Variants in HIVEP1 observed in about 807,000 individuals in gnomAD.
HIVEP1 encodes zinc finger protein 40.
In HIVEP1, 36 loss-of-function variants were observed where a neutral mutation model predicts 180.0. That is an observed-to-expected ratio of 0.20 (90% CI 0.15 to 0.26). The LOEUF (loss-of-function observed/expected upper bound fraction) is 0.26, where lower values mean the gene tolerates loss of function less well. Among genes scored for constraint, HIVEP1 ranks in the 10% least tolerant of loss-of-function variants. HIVEP1 has a pLI of 1.00. For missense variants in HIVEP1, 3,143 were observed against 3,268.7 expected, an observed-to-expected ratio of 0.96 and a Z score of 0.94; for synonymous variants, 1,239 against 1,239.0, an observed-to-expected ratio of 1.00 and a Z score of 0.00.
At chr6:12,097,614 G>A (rs1773856541) in intron 3 of HIVEP1, among the ~76,000 whole-genome samples, 1 of 152,026 alleles carries the variant, frequency 6.6e-6, no homozygotes, top group South Asian at 2.1e-4. Flanking sequence ...AATGCTGTGA[G>A]CTTGAATTAC....
intron 2 of HIVEP1, among the ~76,000 whole-genome samples, chr6:12,075,100 C>T (rs1393589116): frequency 2.0e-5 from 3 of 152,244 alleles, no homozygotes; most frequent in Non-Finnish European, 2.9e-5. Context: ...TCAGGGCTGA[C>T]TGCAGCAGTG....
chr6:12,089,066 T>A, intron 2 of HIVEP1, 118 bp from the exon 3 acceptor site: 1 of 576,210 alleles, frequency 1.7e-6, no homozygotes, highest in Non-Finnish European at 3.1e-6. Flanking sequence ...GTATCATAAT[T>A]TATTCAACAC....
At chr6:12,141,305 A>G (rs182229566) in intron 7 of HIVEP1, among the ~76,000 whole-genome samples, 1 of 152,248 alleles carries the variant, frequency 6.6e-6, no homozygotes, top group African/African-American at 2.4e-5. Flanking sequence ...AAAATCCTTT[A>G]TAGACAAGCA....
intron 3 of HIVEP1, among the ~76,000 whole-genome samples, chr6:12,109,619 C>T (rs1461008928): frequency 6.6e-6 from 1 of 152,238 alleles, no homozygotes; most frequent in Non-Finnish European, 1.5e-5. Flanking sequence ...GTCACATCTT[C>T]AAGCTCCACT....
intron 3 of HIVEP1, among the ~76,000 whole-genome samples, chr6:12,110,123 A>G (rs868074733): frequency 6.6e-6 from 1 of 152,236 alleles, no homozygotes; most frequent in Non-Finnish European, 1.5e-5. Context: ...AAACCATGCT[A>G]TAAACAGATG....
the HIVEP1 span, among the ~76,000 whole-genome samples, chr6:12,200,551 T>C: frequency 6.6e-6 from 1 of 152,340 alleles, no homozygotes; most frequent in East Asian, 1.9e-4. Context: ...ACCATGCTAA[T>C]GTGGGGCAGG....
At chr6:12,091,341 G>A (rs1286804490) in intron 3 of HIVEP1, among the ~76,000 whole-genome samples, 1 of 151,884 alleles carries the variant, frequency 6.6e-6, no homozygotes, top group African/African-American at 2.4e-5. Flanking sequence ...TAGCCACATT[G>A]CTTTTTAAAA....
At chr6:12,064,636 T>G (rs964035266) in intron 2 of HIVEP1, among the ~76,000 whole-genome samples, 2 of 152,140 alleles carry the variant, frequency 1.3e-5, no homozygotes, top group Non-Finnish European at 1.5e-5. Context: ...CTGAGAACTC[T>G]TGGTTCTTAG....
chr6:12,020,713 CCTTTAAG>C, intron 2 of HIVEP1, among the ~76,000 whole-genome samples: 1 of 152,036 alleles, frequency 6.6e-6, no homozygotes, highest in East Asian at 1.9e-4. Flanking sequence ...AGCTTCATTT[CCTTTAAG>C]ATTGGAAGTC....
intron 2 of HIVEP1, among the ~76,000 whole-genome samples, chr6:12,050,079 C>T (rs1561888830): frequency 6.6e-6 from 1 of 152,150 alleles, no homozygotes; most frequent in Non-Finnish European, 1.5e-5. Flanking sequence ...TTGTCCATGA[C>T]TCTCTAACTT....
chr6:12,204,799 T>G, the HIVEP1 span, among the ~76,000 whole-genome samples: 1 of 152,204 alleles, frequency 6.6e-6, no homozygotes, highest in African/African-American at 2.4e-5. Flanking sequence ...AAACTTATAT[T>G]ATTCATGATC....
chr6:12,008,359 T>C (rs1490489750), upstream of HIVEP1: 1 of 152,198 alleles, frequency 6.6e-6, no homozygotes, highest in Admixed American at 6.5e-5. Flanking sequence ...TCAGGAAACA[T>C]ACTCCACCAC....
At chr6:12,107,815 T>C (rs932853728) in intron 3 of HIVEP1, among the ~76,000 whole-genome samples, 5 of 152,194 alleles carry the variant, frequency 3.3e-5, no homozygotes, top group African/African-American at 1.2e-4. Context: ...TATTCTCTTA[T>C]CTGGCCCCAC....
rs562242557 is a variant in HIVEP1 at position 12,030,393 on chromosome 6, TTTCTC to T, written c.40+14727_40+14731del. Among the ~76,000 whole-genome samples the T allele has an allele frequency of 6.9e-4, 105 of 152,294 alleles. 1 individual carries two copies. Among genetic ancestry groups the T allele is most frequent in the African/African-American group, 2.2e-3 (90 of 41,590 alleles). ...TCATATATTTTTTCTGTACCTTTCT[TTTCTC>T]TAATCACACATTTATTTTTATGTTT... On this transcript the variant is annotated intron_variant, in intron 2 of 8. Transcript: ENST00000379388.
At chr6:12,055,302 G>C (rs1380889291) in intron 2 of HIVEP1, among the ~76,000 whole-genome samples, 1 of 152,010 alleles carries the variant, frequency 6.6e-6, no homozygotes. Context: ...GTGAAACTCC[G>C]TCTCTACTAA....
At chr6:12,019,745 A>G (rs2113592676) in intron 2 of HIVEP1, among the ~76,000 whole-genome samples, 1 of 152,330 alleles carries the variant, frequency 6.6e-6, no homozygotes, top group African/African-American at 2.4e-5. Flanking sequence ...CACCTCTTAG[A>G]ATGTAATCTT....
downstream of HIVEP1, chr6:12,165,193 T>A: frequency 2.1e-6 from 1 of 484,640 alleles, no homozygotes; most frequent in Admixed American, 2.3e-5. Context: ...TTTTTCTTAT[T>A]TGTGAGAAGT....
Position 12,062,768 on chromosome 6 carries a change from A to G in HIVEP1, c.41-26416A>G, listed in dbSNP as rs142014984. 4.2e-3 allele frequency among the ~76,000 whole-genome samples: 643 copies of G among 152,356 alleles called. 6 individuals carry two copies. The highest frequency in any genetic ancestry group is 0.014 in the African/African-American group (603 of 41,592). ...TTGCTCAATGTCATAAAGATAAGAAAGGGATAGACCAGGATTTGAACTGAG... is the reference window on the plus strand; with the variant it reads ...TTGCTCAATGTCATAAAGATAAGAAGGGGATAGACCAGGATTTGAACTGAG... On this transcript the variant is annotated intron_variant, in intron 2 of 8. Transcript: ENST00000379388.
chr6:12,125,997 T>TTCAAATAAGAC, intron 4 of HIVEP1, 127 bp downstream of exon 4: 1 of 629,856 alleles, frequency 1.6e-6, no homozygotes, highest in Non-Finnish European at 2.7e-6. Flanking sequence ...GTAAATGTCT[T>TTCAAATAAGAC]ATTTGAAAGA....
Sources: gnomAD v4.1 joint callset for allele counts (sites outside exome capture counted in the v4.1 genomes callset) on GRCh38, gnomAD v4.1.1 for gene constraint, MANE v1.5 for transcripts, NCBI Gene and HGNC (gene_info 2026-07-23, HGNC 2026-07-21) for gene names.